Variants in SNTG1 observed in about 807,000 individuals in gnomAD.
SNTG1 encodes syntrophin gamma 1.
In SNTG1, 39 loss-of-function variants were observed where a neutral mutation model predicts 74.7. That is an observed-to-expected ratio of 0.52 (90% CI 0.40 to 0.68). The LOEUF (loss-of-function observed/expected upper bound fraction) is 0.68, where lower values mean the gene tolerates loss of function less well. SNTG1 is among the 30% of genes least tolerant of loss of function. The probability of loss-of-function intolerance (pLI) is 0.00; values close to 1 mark genes in which losing one functional copy is unlikely to be tolerated. For missense variants in SNTG1, 685 were observed against 609.5 expected, an observed-to-expected ratio of 1.12 and a Z score of -1.30; for synonymous variants, 254 against 217.1, an observed-to-expected ratio of 1.17 and a Z score of -1.49.
chr8:50,414,706 A>C (rs2092992818), intron 4 of SNTG1, among the ~76,000 whole-genome samples: 1 of 152,016 alleles, frequency 6.6e-6, no homozygotes. Context: ...TATCTGACTC[A>C]AAGGAGTGTT....
chr8:50,154,757 C>T (rs188264037), intron 1 of SNTG1, among the ~76,000 whole-genome samples: 4 of 152,242 alleles, frequency 2.6e-5, no homozygotes, highest in Admixed American at 2.6e-4. Flanking sequence ...TCATAGAAAA[C>T]AAAACACCTG....
intron 2 of SNTG1, among the ~76,000 whole-genome samples, chr8:50,209,555 C>T (rs193260957): frequency 3.4e-4 from 52 of 152,278 alleles, no homozygotes; most frequent in East Asian, 1.4e-3. Flanking sequence ...CAACATTTGC[C>T]GTTCTGCAAG....
At chr8:50,601,714 T>G (rs2094776503) in intron 13 of SNTG1, among the ~76,000 whole-genome samples, 1 of 152,154 alleles carries the variant, frequency 6.6e-6, no homozygotes, top group African/African-American at 2.4e-5. Context: ...GTGCTGAAAG[T>G]TGGGTGTTGA....
intron 1 of SNTG1, among the ~76,000 whole-genome samples, chr8:49,928,397 A>AT (rs1375485135): frequency 5.3e-5 from 8 of 151,554 alleles, no homozygotes; most frequent in Admixed American, 1.3e-4. Context: ...TGCCCAGCCA[A>AT]TTTTTTTATT....
At chr8:50,719,909 G>A (rs1355459763) in intron 17 of SNTG1, among the ~76,000 whole-genome samples, 2 of 152,068 alleles carry the variant, frequency 1.3e-5, no homozygotes, top group Admixed American at 6.6e-5. Context: ...GTGAAGACCT[G>A]TATACTCCTC....
intron 17 of SNTG1, among the ~76,000 whole-genome samples, chr8:50,737,894 T>C (rs2095532941): frequency 6.6e-6 from 1 of 152,080 alleles, no homozygotes; most frequent in Non-Finnish European, 1.5e-5. Flanking sequence ...AAATAAGTAT[T>C]GATGGAAAGT....
At chr8:50,068,168 T>TTC (rs1186779721) in intron 1 of SNTG1, among the ~76,000 whole-genome samples, 1 of 152,152 alleles carries the variant, frequency 6.6e-6, no homozygotes, top group East Asian at 1.9e-4. Context: ...ATGAGAATAT[T>TTC]TCCATCTTCT....
At chr8:50,302,217 G>C (rs2089682923) in intron 2 of SNTG1, among the ~76,000 whole-genome samples, 1 of 152,158 alleles carries the variant, frequency 6.6e-6, no homozygotes, top group East Asian at 1.9e-4. Flanking sequence ...GGTCTATCCA[G>C]CTTTTAATTT....
chr8:50,374,265 T>C, intron 2 of SNTG1, among the ~76,000 whole-genome samples: 1 of 152,230 alleles, frequency 6.6e-6, no homozygotes, highest in East Asian at 1.9e-4. Flanking sequence ...TCAATTGTAG[T>C]TTCCTTAATA....
At chr8:50,751,019 T>C (rs1373949647) in intron 17 of SNTG1, among the ~76,000 whole-genome samples, 1 of 152,070 alleles carries the variant, frequency 6.6e-6, no homozygotes, top group East Asian at 1.9e-4. Flanking sequence ...ATAGCTTAAA[T>C]AGGACTGCAC....
At chr8:50,127,501 C>G (rs985442791) in intron 1 of SNTG1, among the ~76,000 whole-genome samples, 1 of 152,074 alleles carries the variant, frequency 6.6e-6, no homozygotes, top group Admixed American at 6.6e-5. Flanking sequence ...GGTAGAGGGA[C>G]TGGAACAGAA....
chr8:50,227,363 G>A (rs2132035069), intron 2 of SNTG1, among the ~76,000 whole-genome samples: 1 of 152,240 alleles, frequency 6.6e-6, no homozygotes, highest in South Asian at 2.1e-4. Context: ...AAAGAGAAGA[G>A]GGAGGGGAAG....
At position 50,052,732 on chromosome 8, in the gene SNTG1, C is replaced by T. The variant is rs572887266; in HGVS notation, c.-102-119829C>T. 8.5e-5 allele frequency among the ~76,000 whole-genome samples: 13 copies of T among 152,080 alleles called. No individual in the cohort carries two copies. In the South Asian group the frequency reaches 2.3e-3, roughly 27 times the overall value. On this transcript the variant is annotated intron_variant, in intron 1 of 18. Coordinates refer to ENST00000642720, the MANE Select transcript of SNTG1 (RefSeq NM_018967.5). ...CTTTTAACTGACAGTAAAAAGACAA[C>T]CCAAATTTAAATATTTAAGGAATTA... is the stretch of plus-strand genomic sequence containing the variant.
At chr8:50,358,442 G>T (rs930111824) in intron 2 of SNTG1, among the ~76,000 whole-genome samples, 1 of 152,148 alleles carries the variant, frequency 6.6e-6, no homozygotes, top group African/African-American at 2.4e-5. Context: ...TTGATATTTG[G>T]CCTTGACACA....
intron 11 of SNTG1, among the ~76,000 whole-genome samples, chr8:50,544,019 T>C (rs1408859242): frequency 6.6e-6 from 1 of 152,128 alleles, no homozygotes; most frequent in Non-Finnish European, 1.5e-5. Flanking sequence ...TTGAAATTGA[T>C]TTGTTAGATT....
rs185340943 is a variant in SNTG1, at chr8:50,371,271, C to T, written c.-27-22941C>T. Among the ~76,000 whole-genome samples, 150 of 152,264 alleles carry T rather than the reference C, an allele frequency of 9.9e-4. 4 individuals are homozygous for T. The East Asian group carries it at 0.019, about 20-fold the overall frequency. On this transcript the variant is annotated intron_variant, in intron 2 of 18. Transcript: ENST00000642720. ...ACTGGATGTTATCTGACTCACTAAG[C>T]CATAAAGTCGGGTGTGCACAGCAGT...
chr8:49,968,762 G>T (rs1379211083), intron 1 of SNTG1, among the ~76,000 whole-genome samples: 1 of 152,090 alleles, frequency 6.6e-6, no homozygotes, highest in Admixed American at 6.6e-5. Context: ...CAAGCAAGAA[G>T]CCATTTATCT....
At chr8:50,790,197 C>T (rs985407389) in intron 18 of SNTG1, among the ~76,000 whole-genome samples, 2 of 151,946 alleles carry the variant, frequency 1.3e-5, no homozygotes, top group African/African-American at 4.8e-5. Flanking sequence ...CCCTTAGTCA[C>T]ATTTTGCCTC....
At chr8:50,126,456 C>A (rs980318370) in intron 1 of SNTG1, among the ~76,000 whole-genome samples, 7 of 151,504 alleles carry the variant, frequency 4.6e-5, no homozygotes. Context: ...AATAATGGAA[C>A]AATTGTAAGA....
Sources: allele counts gnomAD v4.1 joint callset (sites outside exome capture counted in the v4.1 genomes callset), GRCh38; gene constraint gnomAD v4.1.1; transcripts MANE v1.5; gene names NCBI Gene and HGNC (gene_info 2026-07-23, HGNC 2026-07-21).